Variants in MTAP observed in about 807,000 individuals in gnomAD.
The protein encoded by MTAP is methylthioadenosine phosphorylase.
In MTAP, 33 loss-of-function variants were observed where a neutral mutation model predicts 33.6. That is an observed-to-expected ratio of 0.98 (90% CI 0.74 to 1.31). MTAP has a LOEUF of 1.31. Ranked by LOEUF, MTAP falls within the 40% of genes most tolerant of loss-of-function variation. The pLI is 0.00. For missense variants in MTAP, 367 were observed against 360.0 expected (o/e 1.02, Z -0.16); for synonymous variants, 148 against 125.7 (o/e 1.18, Z -1.19).
chr9:21,838,134 C>A, intron 5 of MTAP, 124 bp downstream of exon 5: 1 of 709,330 alleles, frequency 1.4e-6, no homozygotes, highest in Non-Finnish European at 2.4e-6. Flanking sequence ...TTGTATTATG[C>A]AAAGTTTTAT....
intron 1 of MTAP, among the ~76,000 whole-genome samples, chr9:21,925,720 A>T (rs1171660800): frequency 6.6e-6 from 1 of 151,244 alleles, no homozygotes; most frequent in Non-Finnish European, 1.5e-5. Context: ...CAGAATCCCA[A>T]TTCCTGATGG....
At chr9:21,806,918 C>A (rs565666136) in intron 1 of MTAP, among the ~76,000 whole-genome samples, 3 of 152,088 alleles carry the variant, frequency 2.0e-5, no homozygotes, top group Non-Finnish European at 4.4e-5. Flanking sequence ...AATCCCAACA[C>A]TTTGGGAGGC....
At chr9:21,915,049 TTC>T (rs1818659823) in intron 1 of MTAP, among the ~76,000 whole-genome samples, 2 of 110,238 alleles carry the variant, frequency 1.8e-5, no homozygotes, top group African/African-American at 4.6e-5. Context: ...CCTTCCTTCC[TTC>T]CTTCCTTTCT....
chr9:21,930,805 ACAT>A, intron 1 of MTAP: 1 of 701,858 alleles, frequency 1.4e-6, no homozygotes, highest in Non-Finnish European at 2.5e-6. Context: ...GTACAAAACA[ACAT>A]CAGACAACTC....
At chr9:21,937,326 A>C (rs1364355653) in exon 8 of MTAP, 1 of 152,112 alleles carries the variant, frequency 6.6e-6, no homozygotes, top group Non-Finnish European at 1.5e-5. Flanking sequence ...CGACACAGTG[A>C]GACTCCATCT....
At chr9:21,900,101 A>T (rs1363845054) in intron 1 of MTAP, among the ~76,000 whole-genome samples, 1 of 152,166 alleles carries the variant, frequency 6.6e-6, no homozygotes. Flanking sequence ...AGGAAATACC[A>T]TTCTAGACAT....
intron 1 of MTAP, among the ~76,000 whole-genome samples, chr9:21,815,091 C>T (rs546827822): frequency 6.6e-6 from 1 of 152,364 alleles, no homozygotes; most frequent in African/African-American, 2.4e-5. Flanking sequence ...CACTACCATA[C>T]TTGCCTACTT....
chr9:21,912,327 A>G (rs183128506), intron 1 of MTAP, among the ~76,000 whole-genome samples: 135 of 152,234 alleles, frequency 8.9e-4, no homozygotes, highest in African/African-American at 3.1e-3. Context: ...GAGACACAAC[A>G]AAAAAAGAGA....
At chr9:21,817,065 T>G (rs972162968) in intron 3 of MTAP, among the ~76,000 whole-genome samples, 2 of 152,198 alleles carry the variant, frequency 1.3e-5, no homozygotes, top group Non-Finnish European at 2.9e-5. Flanking sequence ...TTTTTCCCCC[T>G]TCTTATAAAG....
chr9:21,901,776 A>T (rs935490820), intron 1 of MTAP, among the ~76,000 whole-genome samples: 18 of 152,238 alleles, frequency 1.2e-4, no homozygotes, highest in Admixed American at 1.1e-3. Flanking sequence ...ACATTTTCTC[A>T]TAGGCTATTT....
intron 1 of MTAP, among the ~76,000 whole-genome samples, chr9:21,918,517 ACCAAAAACCATCTGTACCC>A (rs1285163436): frequency 6.6e-6 from 1 of 152,100 alleles, no homozygotes; most frequent in African/African-American, 2.4e-5. Context: ...TACCCATTTA[ACCAAAAACCATCTGTACCC>A]CCAAAAACTA....
intron 1 of MTAP, among the ~76,000 whole-genome samples, chr9:21,897,883 T>G (rs1470025975): frequency 3.3e-5 from 5 of 152,124 alleles, no homozygotes; most frequent in Non-Finnish European, 7.3e-5. Flanking sequence ...AAAAACTACT[T>G]TAAAGGTCAT....
At chr9:21,834,641 A>AC (rs1825057435) in intron 4 of MTAP, among the ~76,000 whole-genome samples, 1 of 152,184 alleles carries the variant, frequency 6.6e-6, no homozygotes, top group East Asian at 1.9e-4. Context: ...TCATGCTGAC[A>AC]TTGACTCTTC....
chr9:21,805,699 C>G (rs184873929), intron 1 of MTAP, among the ~76,000 whole-genome samples: 1 of 152,188 alleles, frequency 6.6e-6, no homozygotes, highest in Non-Finnish European at 1.5e-5. Context: ...CTTATTCCCT[C>G]TACTAAGTGA....
At chr9:21,923,659 T>G (rs1818823045) in intron 1 of MTAP, among the ~76,000 whole-genome samples, 3 of 152,148 alleles carry the variant, frequency 2.0e-5, no homozygotes, top group Admixed American at 2.0e-4. Context: ...AATACAAAAT[T>G]TTCTCCATTC....
Position 21,865,541 on chromosome 9 carries a change from G to T in MTAP, c.*3527G>T. Reference sequence around the variant, plus strand: ...TGGCCCAGCAAGGCAAAGAACTGAAGTTCCAGGATGGAAGAACCTGTGTTC... The same window carrying T: ...TGGCCCAGCAAGGCAAAGAACTGAATTTCCAGGATGGAAGAACCTGTGTTC... On this transcript the variant is annotated 3_prime_UTR_variant, in exon 8 of 8. Coordinates refer to ENST00000644715, the MANE Select transcript of MTAP (RefSeq NM_002451.4). 1.0e-6 allele frequency: 1 copy of T among 985,652 alleles called. No homozygotes were observed. The highest frequency in any genetic ancestry group is 1.2e-6 in the Non-Finnish European group (1 of 829,962). The allele number at this position is 985,652 out of a possible 1,614,324, so 61.1% of individuals were successfully genotyped here.
chr9:21,921,508 A>G (rs1159711578), intron 1 of MTAP, among the ~76,000 whole-genome samples: 1 of 152,162 alleles, frequency 6.6e-6, no homozygotes, highest in African/African-American at 2.4e-5. Context: ...CAAAGATAAT[A>G]TAGAAATACA....
intron 1 of MTAP, among the ~76,000 whole-genome samples, chr9:21,887,808 C>T (rs952561642): frequency 2.6e-5 from 4 of 152,156 alleles, no homozygotes; most frequent in African/African-American, 9.7e-5. Context: ...TTTCTTTCAG[C>T]AGTGTTTTGT....
chr9:21,818,044 GCAGCACAC>G lies in MTAP; in HGVS notation c.192_199del (p.Gln64HisfsTer45), dbSNP rs754785309. Reference sequence around the variant, plus strand: ...TTCTCTCCTTCCATAGGCATGGAAGGCAGCACACCATCATGCCTTCAAAGGTCAACTAC... The same window carrying G: ...TTCTCTCCTTCCATAGGCATGGAAGGCATCATGCCTTCAAAGGTCAACTAC... On this transcript the variant is annotated frameshift_variant, in exon 4 of 8. Transcript: ENST00000644715. LOFTEE classifies it high-confidence loss of function. 2 of 1,611,046 alleles carry G rather than the reference GCAGCACAC, an allele frequency of 1.2e-6. No individual in the cohort carries two copies. Among genetic ancestry groups the G allele is most frequent in the Admixed American group, 3.4e-5 (2 of 59,408 alleles).
Sources: allele counts gnomAD v4.1 joint callset (sites outside exome capture counted in the v4.1 genomes callset), GRCh38; gene constraint gnomAD v4.1.1; transcripts MANE v1.5; gene names NCBI Gene and HGNC (gene_info 2026-07-23, HGNC 2026-07-21).